RAB3C: variants seen among roughly 807,000 people sequenced by gnomAD.
The protein encoded by RAB3C is RAB3C, member RAS oncogene family, also known as ras-related protein Rab-3C.
In RAB3C, 17 loss-of-function variants were observed where a neutral mutation model predicts 26.4. The ratio of observed to expected loss-of-function variants is 0.64; its 90% CI spans 0.44 to 0.97. The LOEUF (loss-of-function observed/expected upper bound fraction) is 0.97. RAB3C is among the 50% of genes least tolerant of loss of function. RAB3C has a pLI of 0.00. For synonymous variants in RAB3C, 91 were observed against 95.9 expected (o/e 0.95, Z 0.30); for missense variants, 242 against 281.9 (o/e 0.86, Z 1.01).
At chr5:58,777,560 A>G (rs960091632) in intron 3 of RAB3C, among the ~76,000 whole-genome samples, 4 of 151,416 alleles carry the variant, frequency 2.6e-5, no homozygotes, top group African/African-American at 9.7e-5. Flanking sequence ...TATATCTCCC[A>G]TAAGACTGGG....
Position 58,617,868 on chromosome 5 carries a change from TGG to T in RAB3C, c.252_252+1del. On this transcript the variant is annotated frameshift_variant and splice_region_variant, in exon 2 of 5. Transcript: ENST00000282878. LOFTEE classifies it high-confidence loss of function. Reference protein sequence around the residue: ...KNEKRIKLQIWDTAGQERYRT... With the variant: ...KNEKRIKLQIXDTAGQERYRT... ...TGAAAAGAGAATCAAGCTTCAGATT[TGG>T]GTAAGTGGCTTTGAACTGGCAGTGT... The T allele has an allele frequency of 6.3e-7, 1 of 1,598,170 alleles. No homozygotes were observed. Among genetic ancestry groups the T allele is most frequent in the Non-Finnish European group, 8.6e-7 (1 of 1,167,924 alleles).
chr5:58,612,548 G>GTATATATA (rs70973147), intron 1 of RAB3C, among the ~76,000 whole-genome samples: 1 of 80,366 alleles, frequency 1.2e-5, no homozygotes, highest in African/African-American at 4.6e-5. Flanking sequence ...ATATATATAT[G>GTATATATA]TATATATATA....
chr5:58,625,625 G>A (rs543799919), intron 2 of RAB3C, among the ~76,000 whole-genome samples: 33 of 152,178 alleles, frequency 2.2e-4, no homozygotes, highest in Admixed American at 7.2e-4. Context: ...TTGGGAGGCC[G>A]AGGTGGGTGG....
intron 3 of RAB3C, among the ~76,000 whole-genome samples, chr5:58,755,228 C>T (rs187039703): frequency 6.6e-6 from 1 of 152,312 alleles, no homozygotes; most frequent in East Asian, 1.9e-4. Context: ...ACTTCTTATT[C>T]TAGGGCAATG....
rs913149891 is a variant in RAB3C, at chr5:58,851,483, C to T, written c.*132C>T. 12 of 648,282 alleles carry T rather than the reference C, an allele frequency of 1.9e-5. No individual in the cohort carries two copies. The highest frequency in any genetic ancestry group is 6.1e-5 in the East Asian group (2 of 32,978). 40.2% of individuals were successfully genotyped at this position (648,282 alleles called of 1,614,324 possible). On this transcript the variant is annotated 3_prime_UTR_variant, in exon 5 of 5. Transcript: ENST00000282878. The stretch of plus-strand genomic sequence containing the variant: ...AATAAATTGATGTCAATGGCTCGTA[C>T]GCATTCAATTCTTGGGAGCTTTCCT...
At chr5:58,582,968 C>A, upstream of RAB3C, 1 of 1,142,188 alleles carries the variant, frequency 8.8e-7, no homozygotes, top group Non-Finnish European at 1.2e-6. Context: ...TTGTAGTTCA[C>A]CGCTCGCCCG....
intron 3 of RAB3C, among the ~76,000 whole-genome samples, chr5:58,789,077 A>C (rs1004740241): frequency 3.9e-5 from 6 of 152,268 alleles, no homozygotes; most frequent in Admixed American, 2.0e-4. Flanking sequence ...TAGTCATTAA[A>C]AGCCATGAGA....
At chr5:58,725,663 G>C (rs910739355) in intron 2 of RAB3C, among the ~76,000 whole-genome samples, 1 of 151,740 alleles carries the variant, frequency 6.6e-6, no homozygotes, top group African/African-American at 2.4e-5. Context: ...ATAATCGATT[G>C]TATATTTTAA....
intron 1 of RAB3C, among the ~76,000 whole-genome samples, chr5:58,597,190 T>A (rs377587816): frequency 7.0e-4 from 69 of 98,910 alleles, no homozygotes; most frequent in East Asian, 1.3e-3. Context: ...CATAATATAT[T>A]ATATAATAAT....
chr5:58,780,776 C>T (rs1472021907), intron 3 of RAB3C, among the ~76,000 whole-genome samples: 1 of 152,038 alleles, frequency 6.6e-6, no homozygotes, highest in Non-Finnish European at 1.5e-5. Context: ...CTGGAATATC[C>T]TGAGATCTTA....
At chr5:58,748,736 A>T (rs745479199) in intron 3 of RAB3C, among the ~76,000 whole-genome samples, 5 of 152,180 alleles carry the variant, frequency 3.3e-5, no homozygotes, top group Non-Finnish European at 7.4e-5. Context: ...TGAGGTAGAG[A>T]TGTCTAACTG....
At chr5:58,745,742 T>A (rs1395115604) in intron 3 of RAB3C, among the ~76,000 whole-genome samples, 1 of 152,230 alleles carries the variant, frequency 6.6e-6, no homozygotes, top group African/African-American at 2.4e-5. Context: ...CACTGTCCCT[T>A]ATATATCTTA....
In RAB3C at chr5:58,713,865, G is replaced by A. The variant is rs61097479; in HGVS notation, c.253-12137G>A. Among the ~76,000 whole-genome samples, 443 of 152,152 alleles carry A rather than the reference G, an allele frequency of 2.9e-3. 2 individuals carry two copies. The highest frequency in any genetic ancestry group is 8.7e-3 in the African/African-American group (361 of 41,502). On this transcript the variant is annotated intron_variant, in intron 2 of 4. Transcript: ENST00000282878. ...TTACCCTATCTACTTACATATAGTT[G>A]GAATTCTAAAATAAACACATTTTTA...
intron 1 of RAB3C, among the ~76,000 whole-genome samples, chr5:58,609,916 T>G (rs1746660343): frequency 6.6e-6 from 1 of 152,106 alleles, no homozygotes; most frequent in Non-Finnish European, 1.5e-5. Context: ...GATGGTGAGT[T>G]GTAAGCAGTG....
At chr5:58,774,332 T>A (rs1253659253) in intron 3 of RAB3C, among the ~76,000 whole-genome samples, 3 of 152,156 alleles carry the variant, frequency 2.0e-5, no homozygotes, top group Non-Finnish European at 2.9e-5. Context: ...ATTCTATTAA[T>A]ATCTGCTCCC....
intron 1 of RAB3C, among the ~76,000 whole-genome samples, chr5:58,585,453 T>G (rs1483959111): frequency 3.3e-5 from 5 of 152,010 alleles, no homozygotes; most frequent in Non-Finnish European, 7.4e-5. Context: ...CCCAAATATT[T>G]TTTTACTTAG....
Position 58,856,213 on chromosome 5 carries a change from A to G in RAB3C, c.*4862A>G, listed in dbSNP as rs1317890370. The G allele has an allele frequency of 6.6e-6, 1 of 151,958 alleles. No homozygotes were observed. Among genetic ancestry groups the G allele is most frequent in the Non-Finnish European group, 1.5e-5 (1 of 68,000 alleles). The allele number at this position is 151,958 out of a possible 1,614,324, so 9.4% of individuals were successfully genotyped here. On this transcript the variant is annotated 3_prime_UTR_variant, in exon 5 of 5. Coordinates refer to ENST00000282878, the MANE Select transcript of RAB3C (RefSeq NM_138453.4). ...ATAAGGTCCATAAAATCGGTTCTTC[A>G]CACTGATTTCGTTTGATTAGTCTGT...
chr5:58,832,695 T>C (rs1017640114), intron 4 of RAB3C, among the ~76,000 whole-genome samples: 1 of 152,212 alleles, frequency 6.6e-6, no homozygotes, highest in African/African-American at 2.4e-5. Context: ...GTGGAGACAA[T>C]GTCTGAACCA....
At chr5:58,745,881 G>T (rs189738266) in intron 3 of RAB3C, among the ~76,000 whole-genome samples, 60 of 152,222 alleles carry the variant, frequency 3.9e-4, no homozygotes, top group Non-Finnish European at 6.9e-4. Context: ...ATATTTCAAA[G>T]AACCTTATAC....
Sources: gnomAD v4.1 joint callset for allele counts (sites outside exome capture counted in the v4.1 genomes callset) on GRCh38, gnomAD v4.1.1 for gene constraint, MANE v1.5 for transcripts, NCBI Gene and HGNC (gene_info 2026-07-23, HGNC 2026-07-21) for gene names.